The following NSMCE2 variants were observed in gnomAD, a reference collection of about 807,000 sequenced individuals.
The protein encoded by NSMCE2 is NSE2 SUMO ligase component of SMC5/6 complex.
NSMCE2 carries 24 observed loss-of-function variants against 23.8 expected under a neutral mutation model. That is an observed-to-expected ratio of 1.01 (90% CI 0.73 to 1.42). The LOEUF (loss-of-function observed/expected upper bound fraction) is 1.42. Ranked by LOEUF, NSMCE2 falls within the 40% of genes most tolerant of loss-of-function variation. The pLI is 0.00. For synonymous variants in NSMCE2, 92 were observed against 94.1 expected, an observed-to-expected ratio of 0.98 and a Z score of 0.13; for missense variants, 284 against 296.5, an observed-to-expected ratio of 0.96 and a Z score of 0.31.
chr8:125,326,639 TA>T (rs1304694577), intron 5 of NSMCE2, among the ~76,000 whole-genome samples: 1 of 148,104 alleles, frequency 6.8e-6, no homozygotes, highest in South Asian at 2.1e-4. Context: ...TTTATAAGTT[TA>T]AAAAAAAGAT....
At chr8:125,118,042 G>C (rs960411838) in intron 3 of NSMCE2, among the ~76,000 whole-genome samples, 32 of 152,228 alleles carry the variant, frequency 2.1e-4, no homozygotes, top group Middle Eastern at 6.8e-3. Context: ...GGGTGCATCA[G>C]CATCACTTTA....
intron 5 of NSMCE2, among the ~76,000 whole-genome samples, chr8:125,274,996 GATGATAATA>G (rs925098124): frequency 2.1e-4 from 9 of 43,096 alleles, no homozygotes; most frequent in Non-Finnish European, 4.1e-4. Context: ...ACAATCTGAA[GATGATAATA>G]ATAATAATAA....
At chr8:125,255,344 CAT>C (rs1441441642) in intron 5 of NSMCE2, among the ~76,000 whole-genome samples, 2 of 152,100 alleles carry the variant, frequency 1.3e-5, no homozygotes, top group African/African-American at 2.4e-5. Flanking sequence ...GAGGTAGACA[CAT>C]AAACAATTTT....
intron 4 of NSMCE2, among the ~76,000 whole-genome samples, chr8:125,175,999 G>T (rs547323073): frequency 6.6e-6 from 1 of 152,290 alleles, no homozygotes; most frequent in African/African-American, 2.4e-5. Flanking sequence ...GTTCCTAACA[G>T]TCAACTCATT....
Position 125,357,832 on chromosome 8 carries a change from G to C in NSMCE2, c.626+14G>C, listed in dbSNP as rs200393339. On this transcript the variant is annotated intron_variant, in intron 7 of 7. Coordinates refer to ENST00000287437, the MANE Select transcript of NSMCE2 (RefSeq NM_173685.4). ...GAAAAAGGCCTAGTGAGTGGACGCA[G>C]GGAAGGAAGTGGAGCCTTCCCTAGT... 6.3e-7 allele frequency: 1 copy of C among 1,582,306 alleles called. No individual in the cohort carries two copies. The highest frequency in any genetic ancestry group is 1.7e-5 in the Admixed American group (1 of 59,936).
At chr8:125,169,198 T>C (rs903770499) in intron 4 of NSMCE2, among the ~76,000 whole-genome samples, 3 of 152,216 alleles carry the variant, frequency 2.0e-5, no homozygotes, top group African/African-American at 7.2e-5. Context: ...CTACTTCATC[T>C]CTTCACTCAG....
chr8:125,283,593 C>A (rs927720957), intron 5 of NSMCE2, among the ~76,000 whole-genome samples: 1 of 152,202 alleles, frequency 6.6e-6, no homozygotes, highest in African/African-American at 2.4e-5. Context: ...CAACTGGAAA[C>A]TGCTTAATTA....
At chr8:125,170,368 CTTTA>C (rs1822119381) in intron 4 of NSMCE2, among the ~76,000 whole-genome samples, 1 of 92,506 alleles carries the variant, frequency 1.1e-5, no homozygotes, top group African/African-American at 4.1e-5. Context: ...AAACCTTACT[CTTTA>C]TTTCTTTTTT....
At chr8:125,117,122 C>G (rs1819042937) in intron 3 of NSMCE2, among the ~76,000 whole-genome samples, 1 of 152,176 alleles carries the variant, frequency 6.6e-6, no homozygotes, top group Non-Finnish European at 1.5e-5. Flanking sequence ...AATATAGTTA[C>G]ACAAAGCAGA....
chr8:125,165,290 A>C (rs1259217360), intron 4 of NSMCE2, among the ~76,000 whole-genome samples: 3 of 152,226 alleles, frequency 2.0e-5, no homozygotes, highest in Non-Finnish European at 2.9e-5. Flanking sequence ...AGAAAATATT[A>C]ATTGCCTCTT....
At chr8:125,177,372 C>T (rs1034527080) in intron 4 of NSMCE2, among the ~76,000 whole-genome samples, 1 of 152,156 alleles carries the variant, frequency 6.6e-6, no homozygotes, top group African/African-American at 2.4e-5. Flanking sequence ...AGCTCCTGTT[C>T]CTCTATACAA....
chr8:125,112,638 C>G (rs1818820606), intron 3 of NSMCE2, among the ~76,000 whole-genome samples: 1 of 151,924 alleles, frequency 6.6e-6, no homozygotes, highest in African/African-American at 2.4e-5. Context: ...ATAAGCCAGT[C>G]ACAGAAAGAT....
At chr8:125,286,732 A>G (rs1427195564) in intron 5 of NSMCE2, among the ~76,000 whole-genome samples, 1 of 149,906 alleles carries the variant, frequency 6.7e-6, no homozygotes, top group African/African-American at 2.5e-5. Flanking sequence ...TGTTTATAGC[A>G]TCTCTTCTCC....
intron 5 of NSMCE2, among the ~76,000 whole-genome samples, chr8:125,227,334 G>A (rs1825142527): frequency 1.3e-5 from 2 of 152,174 alleles, no homozygotes; most frequent in South Asian, 4.1e-4. Flanking sequence ...AGATAGCAGT[G>A]AGAAGATGTG....
chr8:125,357,074 G>T, intron 5 of NSMCE2, 145 bp from the exon 6 acceptor site: 1 of 612,564 alleles, frequency 1.6e-6, no homozygotes, highest in Admixed American at 2.9e-5. Context: ...TCTCTGAAAA[G>T]CAGAAGAGTT....
intron 3 of NSMCE2, among the ~76,000 whole-genome samples, chr8:125,139,132 C>G (rs1161002935): frequency 6.6e-6 from 1 of 152,170 alleles, no homozygotes; most frequent in African/African-American, 2.4e-5. Flanking sequence ...GCTTTGCCAT[C>G]ACACTAAGAG....
intron 3 of NSMCE2, among the ~76,000 whole-genome samples, chr8:125,123,501 G>A (rs1227601983): frequency 1.3e-5 from 2 of 152,358 alleles, no homozygotes; most frequent in East Asian, 1.9e-4. Flanking sequence ...GCTAAAGCTC[G>A]AAGGGTTAAG....
At chr8:125,281,099 T>A (rs1827673378) in intron 5 of NSMCE2, among the ~76,000 whole-genome samples, 1 of 152,228 alleles carries the variant, frequency 6.6e-6, no homozygotes, top group African/African-American at 2.4e-5. Context: ...CCGATTAAGA[T>A]AGCTTTAAAG....
intron 5 of NSMCE2, among the ~76,000 whole-genome samples, chr8:125,321,895 G>A (rs1259915001): frequency 2.0e-5 from 3 of 152,150 alleles, no homozygotes; most frequent in Admixed American, 2.0e-4. Flanking sequence ...CCTAATAGGT[G>A]TGTAGTGGTA....
Sources: allele counts gnomAD v4.1 joint callset (sites outside exome capture counted in the v4.1 genomes callset), GRCh38; gene constraint gnomAD v4.1.1; transcripts MANE v1.5; gene names NCBI Gene and HGNC (gene_info 2026-07-23, HGNC 2026-07-21).